Variants in EEIG2 observed in about 807,000 individuals in gnomAD.
EEIG2 encodes family with sequence similarity 102 member B.
At chr1:108,607,517 C>T in the EEIG2 span, among the ~76,000 whole-genome samples, 4 of 152,196 alleles carry the variant, frequency 2.6e-5, no homozygotes, top group East Asian at 5.8e-4. Flanking sequence ...TGAGGCTGGA[C>T]GCCTGAATAA....
chr1:108,597,085 ATCTGCCCATATTTAACT>A, the EEIG2 span, among the ~76,000 whole-genome samples: 5 of 152,158 alleles, frequency 3.3e-5, no homozygotes, highest in Non-Finnish European at 7.3e-5. Context: ...TTCCTCACTT[ATCTGCCCATATTTAACT>A]ATGAAGCACT....
the EEIG2 span, chr1:108,600,708 T>C: frequency 1.3e-6 from 2 of 1,589,056 alleles, no homozygotes; most frequent in East Asian, 4.5e-5. Flanking sequence ...GCCTATTACT[T>C]CTTCCCTTTC....
At chr1:108,618,231 G>T in the EEIG2 span, among the ~76,000 whole-genome samples, 18 of 152,190 alleles carry the variant, frequency 1.2e-4, no homozygotes, top group Non-Finnish European at 2.5e-4. Flanking sequence ...TTGTTGGAGG[G>T]AGGAAGGCAG....
the EEIG2 span, among the ~76,000 whole-genome samples, chr1:108,579,772 T>TGAGAGAGAGAGAGAGAGAGAGAGAGA: frequency 0.033 from 1,934 of 58,728 alleles, 144 homozygotes; most frequent in Middle Eastern, 0.049. Flanking sequence ...TGTGTGTGTG[T>TGAGAGAGAGAGAGAGAGAGAGAGAGA]GAGAGAGAGA....
At chr1:108,575,901 A>C in the EEIG2 span, among the ~76,000 whole-genome samples, 4 of 152,168 alleles carry the variant, frequency 2.6e-5, no homozygotes, top group Non-Finnish European at 5.9e-5. Flanking sequence ...ATAGTTTCAC[A>C]AACAATATAC....
At chr1:108,600,696 T>C in the EEIG2 span, 3 of 1,601,558 alleles carry the variant, frequency 1.9e-6, no homozygotes, top group Non-Finnish European at 2.6e-6. Context: ...GGTATAAAAA[T>C]AGCCTATTAC....
At chr1:108,570,611 A>C in the EEIG2 span, among the ~76,000 whole-genome samples, 1 of 152,224 alleles carries the variant, frequency 6.6e-6, no homozygotes, top group African/African-American at 2.4e-5. Context: ...GAAATTTAAA[A>C]ACATGAATTT....
chr1:108,612,732 A>G, the EEIG2 span, among the ~76,000 whole-genome samples: 2 of 152,216 alleles, frequency 1.3e-5, no homozygotes, highest in African/African-American at 4.8e-5. Flanking sequence ...GCTTTTTCCA[A>G]GTACCATCAG....
the EEIG2 span, among the ~76,000 whole-genome samples, chr1:108,585,910 T>C: frequency 1.3e-5 from 2 of 152,090 alleles, no homozygotes; most frequent in Non-Finnish European, 2.9e-5. Context: ...TCCAAGTATG[T>C]CTTGGTGACC....
the EEIG2 span, chr1:108,639,315 T>C: frequency 6.6e-6 from 1 of 152,080 alleles, no homozygotes; most frequent in Non-Finnish European, 1.5e-5. Flanking sequence ...AAAAATCATA[T>C]ATTAAAAGTT....
the EEIG2 span, among the ~76,000 whole-genome samples, chr1:108,618,153 A>G: frequency 2.0e-5 from 3 of 152,196 alleles, no homozygotes; most frequent in East Asian, 1.9e-4. Context: ...TACCAATAGT[A>G]TTGGCTCAAC....
At chr1:108,601,870 TCAGTGAC>T in the EEIG2 span, among the ~76,000 whole-genome samples, 1 of 152,216 alleles carries the variant, frequency 6.6e-6, no homozygotes, top group South Asian at 2.1e-4. Flanking sequence ...AGGGAAGCAA[TCAGTGAC>T]CAGCCAGCAG....
At chr1:108,576,136 T>G in the EEIG2 span, among the ~76,000 whole-genome samples, 1 of 152,166 alleles carries the variant, frequency 6.6e-6, no homozygotes, top group African/African-American at 2.4e-5. Flanking sequence ...CACACACCAC[T>G]GTGCCTGGCT....
chr1:108,622,464 A>C, the EEIG2 span, among the ~76,000 whole-genome samples: 1 of 152,168 alleles, frequency 6.6e-6, no homozygotes, highest in African/African-American at 2.4e-5. Context: ...CTAAATGAGG[A>C]TCTGAGATTT....
At chr1:108,608,499 GA>G in the EEIG2 span, among the ~76,000 whole-genome samples, 3 of 152,208 alleles carry the variant, frequency 2.0e-5, no homozygotes, top group Admixed American at 6.5e-5. Context: ...GCCATTTCAT[GA>G]GACAGTTACT....
At chr1:108,607,407 T>C in the EEIG2 span, among the ~76,000 whole-genome samples, 5 of 152,186 alleles carry the variant, frequency 3.3e-5, no homozygotes, top group African/African-American at 9.7e-5. Flanking sequence ...CGTAAACTAG[T>C]TGTGGGCAAT....
chr1:108,611,736 C>A, the EEIG2 span, among the ~76,000 whole-genome samples: 3 of 152,196 alleles, frequency 2.0e-5, no homozygotes, highest in Non-Finnish European at 4.4e-5. Context: ...TGGCATAGAA[C>A]TGGACCCAGA....
chr1:108,630,571 A>G, the EEIG2 span, among the ~76,000 whole-genome samples: 2 of 152,260 alleles, frequency 1.3e-5, no homozygotes, highest in East Asian at 1.9e-4. Flanking sequence ...AACTTAAAGT[A>G]TAATAATAAA....
the EEIG2 span, among the ~76,000 whole-genome samples, chr1:108,593,460 A>G: frequency 6.6e-6 from 1 of 152,330 alleles, no homozygotes; most frequent in South Asian, 2.1e-4. Context: ...ACTCCATCCC[A>G]TGCCTACCCT....
Sources: allele counts gnomAD v4.1 joint callset (sites outside exome capture counted in the v4.1 genomes callset), GRCh38; gene constraint gnomAD v4.1.1; transcripts MANE v1.5; gene names NCBI Gene and HGNC (gene_info 2026-07-23, HGNC 2026-07-21).